The following ZFAND4 variants were observed in gnomAD, a reference collection of about 807,000 sequenced individuals.
The protein encoded by ZFAND4 is AN1-type zinc finger protein 4.
A neutral mutation model predicts 64.4 loss-of-function variants in ZFAND4; 43 were observed. The ratio of observed to expected loss-of-function variants is 0.67; its 90% CI spans 0.52 to 0.86. The LOEUF is 0.86. ZFAND4 is among the 40% of genes least tolerant of loss of function. ZFAND4 has a pLI of 0.00. For synonymous variants in ZFAND4, 296 were observed against 305.7 expected (o/e 0.97, Z 0.33); for missense variants, 929 against 859.8 (o/e 1.08, Z -1.01).
At position 45,662,278 on chromosome 10, in the gene ZFAND4, G is replaced by A. The variant is rs928286105; in HGVS notation, c.184+1264C>T. ...ACAATGTCTCCTCCTACAGAGACAA[G>A]GACTCTATAACTTGGCTCTGGTTCT... On this transcript the variant is annotated intron_variant, in intron 2 of 9. Transcript: ENST00000344646. Among the ~76,000 whole-genome samples the A allele has an allele frequency of 3.3e-5, 5 of 152,154 alleles. No homozygotes were observed. In the South Asian group the frequency reaches 1.0e-3, roughly 31 times the overall value.
intron 5 of ZFAND4, among the ~76,000 whole-genome samples, chr10:45,644,877 G>C (rs2047265343): frequency 6.6e-6 from 1 of 151,204 alleles, no homozygotes; most frequent in Admixed American, 6.6e-5. Flanking sequence ...TACTAATTTA[G>C]TACAACTTTA....
chr10:45,643,666 T>A (rs2047180414), intron 5 of ZFAND4, among the ~76,000 whole-genome samples: 2 of 104,556 alleles, frequency 1.9e-5, no homozygotes, highest in South Asian at 3.3e-4. Flanking sequence ...CAAGACTCCA[T>A]CTCAAAAAAA....
chr10:45,669,563 CA>C (rs1026092398), intron 1 of ZFAND4, among the ~76,000 whole-genome samples: 4 of 152,160 alleles, frequency 2.6e-5, no homozygotes, highest in Admixed American at 2.6e-4. Flanking sequence ...CAAAGCCTGG[CA>C]GACACACAAC....
intron 2 of ZFAND4, among the ~76,000 whole-genome samples, chr10:45,661,288 T>C (rs1321025109): frequency 6.6e-6 from 1 of 152,196 alleles, no homozygotes; most frequent in Non-Finnish European, 1.5e-5. Flanking sequence ...CCAGGCAGCA[T>C]GGCTTCGGCA....
intron 2 of ZFAND4, among the ~76,000 whole-genome samples, chr10:45,653,781 CAG>C (rs1338627240): frequency 6.6e-6 from 1 of 152,178 alleles, no homozygotes; most frequent in Non-Finnish European, 1.5e-5. Context: ...GAGTTTAAAA[CAG>C]AACGACCATT....
chr10:45,671,644 G>C (rs1343885785), intron 1 of ZFAND4, among the ~76,000 whole-genome samples: 1 of 152,102 alleles, frequency 6.6e-6, no homozygotes. Flanking sequence ...AGAACACTTG[G>C]ACACAGGGAG....
chr10:45,671,468 G>A (rs2049183160), intron 1 of ZFAND4, among the ~76,000 whole-genome samples: 1 of 151,970 alleles, frequency 6.6e-6, no homozygotes. Context: ...AAGAATATGT[G>A]GCACATATAC....
chr10:45,616,445 TG>T lies in ZFAND4; in HGVS notation c.2174del (p.Pro725GlnfsTer26). The part of the protein sequence containing the change: ...ANPVVNAPKL[P>X]KI ...AGATGTAGAGGAAGAGTTAGATTTTTGGAAGCTTTGGTGCATTAACCACAGG... is the reference window on the plus strand; with the variant it reads ...AGATGTAGAGGAAGAGTTAGATTTTTGAAGCTTTGGTGCATTAACCACAGG... On this transcript the variant is annotated frameshift_variant, in exon 10 of 10. Transcript: ENST00000344646. LOFTEE classifies it high-confidence loss of function. 6.2e-7 allele frequency: 1 copy of T among 1,614,120 alleles called. No individual in the cohort carries two copies. The highest frequency in any genetic ancestry group is 8.5e-7 in the Non-Finnish European group (1 of 1,179,984).
rs759483784 is a variant in ZFAND4 at position 45,616,371 on chromosome 10, AAAC to A, written c.*62_*64del. ...TAGAGTCGAACAAAAATAATAGTCT[AAAC>A]AACATTTCTTCTGTCATTATAATAC... On this transcript the variant is annotated 3_prime_UTR_variant, in exon 10 of 10. Coordinates refer to ENST00000344646, the MANE Select transcript of ZFAND4 (RefSeq NM_174890.4). The A allele has an allele frequency of 8.9e-6, 14 of 1,581,386 alleles. No individual in the cohort carries two copies. Among genetic ancestry groups the A allele is most frequent in the Non-Finnish European group, 1.2e-5 (14 of 1,164,348 alleles).
At chr10:45,631,002 C>T (rs1222652817) in intron 6 of ZFAND4, among the ~76,000 whole-genome samples, 1 of 149,824 alleles carries the variant, frequency 6.7e-6, no homozygotes, top group African/African-American at 2.4e-5. Context: ...AAGACCACGA[C>T]GATGTTCTAA....
intron 2 of ZFAND4, among the ~76,000 whole-genome samples, chr10:45,662,332 G>C (rs11239586): frequency 0.024 from 3,639 of 152,184 alleles, 148 homozygotes; most frequent in African/African-American, 0.079. Flanking sequence ...ATTTCCCTTG[G>C]ATGAGTTATT....
In ZFAND4 at chr10:45,641,637, G is replaced by A. The variant is rs945562469; in HGVS notation, c.570-1674C>T. ...ATTCAGTCTGTGGTGCTTGACTTGT[G>A]ACAGCCACAGTTACCTACTACAGCA... On this transcript the variant is annotated intron_variant, in intron 5 of 9. Transcript: ENST00000344646. Among the ~76,000 whole-genome samples, 3 of 152,144 alleles carry A rather than the reference G, an allele frequency of 2.0e-5. No homozygotes were observed. In the East Asian group the frequency reaches 5.8e-4, roughly 29 times the overall value.
rs1012683094 is a variant in ZFAND4, at chr10:45,636,552, G to A, written c.717+3264C>T. ...CTCAGGAGGCTGAGGTAAGACAATC[G>A]CTTAAACCTGGGAGGTGGAGATTGT... On this transcript the variant is annotated intron_variant, in intron 6 of 9. Coordinates refer to ENST00000344646, the MANE Select transcript of ZFAND4 (RefSeq NM_174890.4). Among the ~76,000 whole-genome samples the A allele has an allele frequency of 2.9e-4, 44 of 151,846 alleles. 3 individuals are homozygous for A. The highest frequency in any genetic ancestry group is 2.4e-3 in the Admixed American group (36 of 15,228).
chr10:45,664,085 C>T (rs1017047003), intron 1 of ZFAND4, among the ~76,000 whole-genome samples: 1 of 152,070 alleles, frequency 6.6e-6, no homozygotes, highest in African/African-American at 2.4e-5. Flanking sequence ...TAGAGCTCAG[C>T]ACAGTTATAT....
At chr10:45,637,775 C>T (rs998997672) in intron 6 of ZFAND4, among the ~76,000 whole-genome samples, 5 of 151,808 alleles carry the variant, frequency 3.3e-5, no homozygotes, top group Non-Finnish European at 5.9e-5. Flanking sequence ...CAAAACAAAA[C>T]AAAACAAAAC....
Position 45,656,102 on chromosome 10 carries a change from G to A in ZFAND4, c.185-3043C>T, listed in dbSNP as rs1262291751. Among the ~76,000 whole-genome samples the A allele has an allele frequency of 3.9e-5, 6 of 152,072 alleles. No homozygotes were observed. The South Asian group carries it at 8.3e-4, about 21-fold the overall frequency. On this transcript the variant is annotated intron_variant, in intron 2 of 9. Transcript: ENST00000344646. ...AAAAATTAGCTGGGCGTGGTGGCAC[G>A]CACCTGTAGCCCCAGCTACTTGGGA... is the stretch of plus-strand genomic sequence containing the variant.
At chr10:45,640,423 TAAAAAAAAAA>T in intron 5 of ZFAND4, 1 of 917,010 alleles carries the variant, frequency 1.1e-6, no homozygotes, top group Admixed American at 6.3e-5. Flanking sequence ...AGATTCTCAC[TAAAAAAAAAA>T]AAAAAAAAAG....
In ZFAND4 at chr10:45,616,454, T is replaced by C. The variant is rs1210723402; in HGVS notation, c.2166A>G (p.Pro722=). The change falls in exon 10 of 10, where the codon CCA becomes CCG. Residue 722 remains proline, a synonymous_variant. Transcript: ENST00000344646. ...LHEANPVVNA[P]KLPKI The stretch of plus-strand genomic sequence containing the variant: ...GGAAGAGTTAGATTTTTGGAAGCTT[T>C]GGTGCATTAACCACAGGATTTGCCT... 1 of 1,614,190 alleles carries C rather than the reference T, an allele frequency of 6.2e-7. No homozygotes were observed. The highest frequency in any genetic ancestry group is 8.5e-7 in the Non-Finnish European group (1 of 1,180,022).
At chr10:45,665,092 G>C (rs1037200564) in intron 1 of ZFAND4, among the ~76,000 whole-genome samples, 1 of 152,126 alleles carries the variant, frequency 6.6e-6, no homozygotes, top group East Asian at 1.9e-4. Context: ...AATAGAAGTA[G>C]TAAACTAAAT....
Sources: allele counts gnomAD v4.1 joint callset (sites outside exome capture counted in the v4.1 genomes callset), GRCh38; gene constraint gnomAD v4.1.1; transcripts MANE v1.5; gene names NCBI Gene and HGNC (gene_info 2026-07-23, HGNC 2026-07-21).